The following SLC2A11 variants were observed in gnomAD, a reference collection of about 807,000 sequenced individuals.
SLC2A11 encodes solute carrier family 2, facilitated glucose transporter member 11.
In SLC2A11, 43 loss-of-function variants were observed where a neutral mutation model predicts 52.1. That is an observed-to-expected ratio of 0.82 (90% CI 0.65 to 1.06). The LOEUF (loss-of-function observed/expected upper bound fraction) is 1.06. Among genes scored for constraint, SLC2A11 ranks in the 50% least tolerant of loss-of-function variants. The probability of loss-of-function intolerance (pLI) is 0.00; values close to 1 mark genes in which losing one functional copy is unlikely to be tolerated. For missense variants in SLC2A11, 582 were observed against 654.2 expected, an observed-to-expected ratio of 0.89 and a Z score of 1.20; for synonymous variants, 261 against 277.6, an observed-to-expected ratio of 0.94 and a Z score of 0.59.
chr22:23,860,200 C>T (rs2031999825), intron 1 of SLC2A11, among the ~76,000 whole-genome samples: 1 of 151,786 alleles, frequency 6.6e-6, no homozygotes, highest in African/African-American at 2.4e-5. Flanking sequence ...GCGAGTGTAT[C>T]GCTTGAGCTC....
chr22:23,867,050 G>C (rs2032289974), intron 2 of SLC2A11: 1 of 152,332 alleles, frequency 6.6e-6, no homozygotes, highest in Non-Finnish European at 1.5e-5. Flanking sequence ...GGTCAGTAAG[G>C]GAGCCTACTG....
upstream of SLC2A11, chr22:23,856,963 A>G (rs2031848124): frequency 1.2e-6 from 2 of 1,611,236 alleles, no homozygotes; most frequent in Non-Finnish European, 1.7e-6. Context: ...TCTGCCCAGG[A>G]CGCACAGATG....
chr22:23,874,996 C>A, intron 3 of SLC2A11, 121 bp from the exon 4 acceptor site: 1 of 1,176,578 alleles, frequency 8.5e-7, no homozygotes, highest in Non-Finnish European at 1.1e-6. Context: ...TAATGGCATA[C>A]TACATACATT....
intron 5 of SLC2A11, 88 bp from the exon 6 acceptor site, chr22:23,877,633 G>A: frequency 6.8e-7 from 1 of 1,466,952 alleles, no homozygotes; most frequent in Admixed American, 2.2e-5. Context: ...CAGACTCCCT[G>A]CAGGGAGGTG....
intron 6 of SLC2A11, among the ~76,000 whole-genome samples, chr22:23,878,960 T>C (rs2032714488): frequency 6.6e-6 from 1 of 152,134 alleles, no homozygotes; most frequent in Non-Finnish European, 1.5e-5. Context: ...AATGCTCTCA[T>C]TTCAAAAACG....
At chr22:23,862,725 G>A (rs915057514) in intron 2 of SLC2A11, among the ~76,000 whole-genome samples, 42 of 152,190 alleles carry the variant, frequency 2.8e-4, no homozygotes, top group African/African-American at 9.9e-4. Flanking sequence ...CCAGGTTCAA[G>A]CGATTCTCCT....
chr22:23,879,230 C>T (rs939298200), intron 6 of SLC2A11, among the ~76,000 whole-genome samples: 3 of 152,032 alleles, frequency 2.0e-5, no homozygotes, highest in African/African-American at 7.2e-5. Context: ...CATTGTTGAT[C>T]AGCACGGAAG....
chr22:23,882,197 A>AACAC (rs368679927), intron 6 of SLC2A11: 4 of 369,288 alleles, frequency 1.1e-5, no homozygotes, highest in South Asian at 7.7e-5. Flanking sequence ...GAGAGAGAGA[A>AACAC]ACACACACAC....
At position 23,885,917 on chromosome 22, in the gene SLC2A11, T is replaced by TACACTTGG. The variant is rs1401330348; in HGVS notation, c.*1069_*1076dup. ...TCTAAGTATAGTTTTGGTGAGTGTATACACTTGGGAAACACCACCGTGATC... is the reference window on the plus strand; with the variant it reads ...TCTAAGTATAGTTTTGGTGAGTGTATACACTTGGACACTTGGGAAACACCACCGTGATC... On this transcript the variant is annotated 3_prime_UTR_variant, in exon 12 of 12. Transcript: ENST00000316185. 6.6e-5 allele frequency: 10 copies of TACACTTGG among 152,330 alleles called. No individual in the cohort carries two copies. The highest frequency in any genetic ancestry group is 6.2e-4 in the South Asian group (3 of 4,824). The allele number at this position is 152,330 out of a possible 1,614,324, so 9.4% of individuals were successfully genotyped here. A position where few individuals can be genotyped will look rare whatever the true frequency, so the allele number is the denominator to read the frequency against.
chr22:23,868,814 T>C (rs984858136), intron 3 of SLC2A11, 173 bp downstream of exon 3: 1 of 719,622 alleles, frequency 1.4e-6, no homozygotes. Context: ...TCTTCAAGGG[T>C]TTGGTAGAGC....
chr22:23,876,387 T>C (rs1277996207), intron 4 of SLC2A11, among the ~76,000 whole-genome samples: 1 of 151,662 alleles, frequency 6.6e-6, no homozygotes, highest in Non-Finnish European at 1.5e-5. Context: ...TTCCTTCCAG[T>C]TATCTTTGCC....
chr22:23,863,715 G>A (rs1437453191), intron 2 of SLC2A11, among the ~76,000 whole-genome samples: 1 of 146,990 alleles, frequency 6.8e-6, no homozygotes, highest in Non-Finnish European at 1.5e-5. Context: ...CCCGTCCCGA[G>A]CTCAGGCGCT....
chr22:23,872,291 G>C (rs998242190), intron 3 of SLC2A11: 1 of 152,232 alleles, frequency 6.6e-6, no homozygotes, highest in South Asian at 2.1e-4. Context: ...GCTGCAGTGA[G>C]CTGTTATAGC....
Position 23,868,655 on chromosome 22 carries a change from G to T in SLC2A11, c.290+14G>T. ...CACGCTGGGAAGGTAAGTGCTTCCTGCATACCCCCTGAATGCCCTTTAATG... is the reference window on the plus strand; with the variant it reads ...CACGCTGGGAAGGTAAGTGCTTCCTTCATACCCCCTGAATGCCCTTTAATG... On this transcript the variant is annotated intron_variant, in intron 3 of 11. Coordinates refer to ENST00000316185, the MANE Select transcript of SLC2A11 (RefSeq NM_001024939.4). 6.2e-7 allele frequency: 1 copy of T among 1,613,642 alleles called. No homozygotes were observed. The highest frequency in any genetic ancestry group is 1.1e-5 in the South Asian group (1 of 91,058).
At chr22:23,857,449 G>C (rs1276936178), upstream of SLC2A11, 4 of 1,613,228 alleles carry the variant, frequency 2.5e-6, no homozygotes, top group African/African-American at 5.3e-5. Flanking sequence ...GCCGAGTAAG[G>C]AGTGAGCGGC....
At chr22:23,857,271 T>G, upstream of SLC2A11, 1 of 771,454 alleles carries the variant, frequency 1.3e-6, no homozygotes, top group Non-Finnish European at 2.1e-6. Context: ...CCAGAGACTG[T>G]AGCAAAGGAG....
chr22:23,872,561 T>C (rs1247140087), intron 3 of SLC2A11: 2 of 152,220 alleles, frequency 1.3e-5, no homozygotes, highest in African/African-American at 4.8e-5. Context: ...CTCTGCGATG[T>C]GAATTTGGCT....
chr22:23,866,506 C>T (rs2146113866), intron 2 of SLC2A11: 1 of 168,672 alleles, frequency 5.9e-6, no homozygotes, highest in African/African-American at 2.4e-5. Context: ...TGTGGCTTCC[C>T]TTCACTCACC....
At chr22:23,874,596 T>C (rs1275994297) in intron 3 of SLC2A11, among the ~76,000 whole-genome samples, 1 of 152,094 alleles carries the variant, frequency 6.6e-6, no homozygotes, top group Non-Finnish European at 1.5e-5. Flanking sequence ...ATTACAGGCA[T>C]GTGCCACCAT....
Sources: allele counts gnomAD v4.1 joint callset (sites outside exome capture counted in the v4.1 genomes callset), GRCh38; gene constraint gnomAD v4.1.1; transcripts MANE v1.5; gene names NCBI Gene and HGNC (gene_info 2026-07-23, HGNC 2026-07-21).